The following TRHDE variants were observed in gnomAD, a reference collection of about 807,000 sequenced individuals.
TRHDE encodes thyrotropin releasing hormone degrading enzyme.
TRHDE carries 72 observed loss-of-function variants against 125.7 expected under a neutral mutation model. The observed-to-expected ratio is 0.57, with a 90% CI of 0.47 to 0.70. The LOEUF (loss-of-function observed/expected upper bound fraction) is 0.70. TRHDE is among the 30% of genes least tolerant of loss of function. The pLI is 0.00. For synonymous variants in TRHDE, 509 were observed against 509.1 expected (o/e 1.00, Z 0.00); for missense variants, 1,110 against 1,327.1 (o/e 0.84, Z 2.54).
chr12:72,425,359 C>A (rs187627834), intron 3 of TRHDE, among the ~76,000 whole-genome samples: 140 of 152,070 alleles, frequency 9.2e-4, no homozygotes, highest in African/African-American at 3.0e-3. Context: ...TTATTTTTGT[C>A]TGATTGCTAA....
At chr12:72,318,564 G>C (rs1445857403) in intron 2 of TRHDE, among the ~76,000 whole-genome samples, 1 of 152,094 alleles carries the variant, frequency 6.6e-6, no homozygotes, top group African/African-American at 2.4e-5. Context: ...CCCAAGAAGA[G>C]AACACCACGG....
intron 2 of TRHDE, among the ~76,000 whole-genome samples, chr12:72,193,034 A>G (rs1877370751): frequency 6.6e-6 from 1 of 152,152 alleles, no homozygotes; most frequent in Non-Finnish European, 1.5e-5. Context: ...AAAATTGGAT[A>G]AATTTTATTT....
intron 3 of TRHDE, among the ~76,000 whole-genome samples, chr12:72,401,488 T>G (rs150517689): frequency 0.019 from 2,826 of 152,278 alleles, 103 homozygotes; most frequent in Admixed American, 0.091. Flanking sequence ...CAACTGACCA[T>G]TACATCAACA....
intron 2 of TRHDE, among the ~76,000 whole-genome samples, chr12:72,338,026 T>A (rs1220668667): frequency 6.6e-6 from 1 of 152,182 alleles, no homozygotes; most frequent in Non-Finnish European, 1.5e-5. Context: ...ATTTCGAATC[T>A]GCAGGAATTT....
At position 72,512,587 on chromosome 12, in the gene TRHDE, TC is replaced by T. The variant is rs1454656329; in HGVS notation, c.1722+12953del. On this transcript the variant is annotated intron_variant, in intron 6 of 18. Coordinates refer to ENST00000261180, the MANE Select transcript of TRHDE (RefSeq NM_013381.3). ...AATATAATATATAATCATATAATAA[TC>T]ATATATAATCATATATATAATTATA... Among the ~76,000 whole-genome samples, 10 of 141,336 alleles carry T rather than the reference TC, an allele frequency of 7.1e-5. No homozygotes were observed. In the South Asian group the frequency reaches 1.1e-3, roughly 15 times the overall value. 92.7% of individuals were successfully genotyped at this position (141,336 alleles called of 152,430 possible).
At chr12:72,270,429 G>A (rs1464264558), upstream of TRHDE, among the ~76,000 whole-genome samples, 1 of 151,308 alleles carries the variant, frequency 6.6e-6, no homozygotes, top group Non-Finnish European at 1.5e-5. Context: ...TGTTTTTAGT[G>A]GTTATCAAGC....
At chr12:72,630,536 C>G (rs1412513857) in intron 15 of TRHDE, among the ~76,000 whole-genome samples, 1 of 151,684 alleles carries the variant, frequency 6.6e-6, no homozygotes, top group Admixed American at 6.6e-5. Flanking sequence ...TATTTGGCAG[C>G]TCTAGAAAAC....
intron 5 of TRHDE, among the ~76,000 whole-genome samples, chr12:72,482,262 T>TA (rs1211580941): frequency 5.3e-5 from 8 of 149,616 alleles, no homozygotes; most frequent in Admixed American, 4.7e-4. Context: ...AATTTTTTTT[T>TA]ATTGGCTCTT....
At chr12:72,360,989 C>A (rs914602731) in intron 2 of TRHDE, among the ~76,000 whole-genome samples, 8 of 150,282 alleles carry the variant, frequency 5.3e-5, no homozygotes, top group Non-Finnish European at 9.0e-5. Context: ...CTCCCCCTAT[C>A]CCCACCTCAG....
At chr12:72,368,363 A>G (rs1350996231) in intron 2 of TRHDE, among the ~76,000 whole-genome samples, 1 of 152,050 alleles carries the variant, frequency 6.6e-6, no homozygotes, top group Admixed American at 6.6e-5. Flanking sequence ...CTTTTTTTGC[A>G]TTATATTGCA....
At chr12:72,516,271 C>CATGAGCA (rs1336102336) in intron 6 of TRHDE, among the ~76,000 whole-genome samples, 1 of 151,954 alleles carries the variant, frequency 6.6e-6, no homozygotes, top group Non-Finnish European at 1.5e-5. Flanking sequence ...TCTTCCTACC[C>CATGAGCA]ATGAGCATGG....
At chr12:72,290,572 C>T (rs1242901196) in intron 2 of TRHDE, among the ~76,000 whole-genome samples, 1 of 152,132 alleles carries the variant, frequency 6.6e-6, no homozygotes, top group African/African-American at 2.4e-5. Context: ...TCTCTGTGTT[C>T]AATAATGTCT....
intron 9 of TRHDE, among the ~76,000 whole-genome samples, chr12:72,566,488 A>G (rs1359216686): frequency 6.6e-6 from 1 of 151,846 alleles, no homozygotes. Flanking sequence ...TGTGGTATTG[A>G]CATGCATGTA....
intron 2 of TRHDE, among the ~76,000 whole-genome samples, chr12:72,330,592 T>G (rs913091284): frequency 9.2e-5 from 14 of 152,204 alleles, no homozygotes; most frequent in African/African-American, 3.4e-4. Context: ...TTAAATAGTT[T>G]GTGAGCAGCA....
At chr12:72,432,371 G>T (rs1444512848) in intron 3 of TRHDE, among the ~76,000 whole-genome samples, 1 of 152,126 alleles carries the variant, frequency 6.6e-6, no homozygotes, top group Non-Finnish European at 1.5e-5. Flanking sequence ...AACATTTATT[G>T]TTCCCCTTTC....
intron 5 of TRHDE, among the ~76,000 whole-genome samples, chr12:72,476,050 G>A (rs1429810925): frequency 6.6e-6 from 1 of 152,012 alleles, no homozygotes; most frequent in African/African-American, 2.4e-5. Context: ...CCAAGTAGCT[G>A]GGATTACAGG....
chr12:72,569,231 T>C (rs1445073048), intron 10 of TRHDE, among the ~76,000 whole-genome samples: 1 of 152,210 alleles, frequency 6.6e-6, no homozygotes, highest in Non-Finnish European at 1.5e-5. Flanking sequence ...CCTATTTCAA[T>C]TTACTGTCAG....
chr12:72,269,260 T>C (rs1177264341), upstream of TRHDE, among the ~76,000 whole-genome samples: 2 of 152,176 alleles, frequency 1.3e-5, no homozygotes, highest in African/African-American at 4.8e-5. Flanking sequence ...CTGAAGACCT[T>C]TGTAACACTG....
At chr12:72,092,166 A>G (rs953365756) in intron 1 of TRHDE, among the ~76,000 whole-genome samples, 3 of 152,222 alleles carry the variant, frequency 2.0e-5, no homozygotes, top group African/African-American at 7.2e-5. Context: ...AGACTAACAT[A>G]CTACCAAATA....
Sources: gnomAD v4.1 joint callset for allele counts (sites outside exome capture counted in the v4.1 genomes callset) on GRCh38, gnomAD v4.1.1 for gene constraint, MANE v1.5 for transcripts, NCBI Gene and HGNC (gene_info 2026-07-23, HGNC 2026-07-21) for gene names.